The following TMEM60 variants were observed in gnomAD, a reference collection of about 807,000 sequenced individuals.
TMEM60 encodes the protein chromosome 7 open reading frame 35.
A neutral mutation model predicts 10.7 loss-of-function variants in TMEM60; 4 were observed. That is an observed-to-expected ratio of 0.37 (90% CI 0.18 to 0.86). The LOEUF is 0.86. Among genes scored for constraint, TMEM60 ranks in the 40% least tolerant of loss-of-function variants. The pLI is 0.43. For missense variants in TMEM60, 128 were observed against 153.4 expected, an observed-to-expected ratio of 0.83 and a Z score of 0.88; for synonymous variants, 56 against 58.1, an observed-to-expected ratio of 0.96 and a Z score of 0.17.
chr7:77,796,683 A>T (rs934433710), intron 1 of TMEM60, among the ~76,000 whole-genome samples: 2 of 152,226 alleles, frequency 1.3e-5, no homozygotes, highest in East Asian at 3.8e-4. Flanking sequence ...TACTTGATGG[A>T]AAGAGAAAAA....
In TMEM60 at chr7:77,794,327, G is replaced by A; in HGVS notation, c.47C>T (p.Thr16Ile). The stretch of plus-strand genomic sequence containing the variant: ...CACCAACATGATCAAGAAGAGTAGT[G>A]TGAAAAGCCAGGTGAGTAGTACTCT... ...AQRVLLTWLF[T>I]LLFLIMLVLK... The change falls in exon 2 of 2, where the codon ACA becomes ATA. Residue 16 changes from threonine to isoleucine, a missense_variant. Transcript: ENST00000257663. The A allele has an allele frequency of 6.2e-7, 1 of 1,605,652 alleles. No individual in the cohort carries two copies. The highest frequency in any genetic ancestry group is 1.1e-5 in the South Asian group (1 of 89,278).
At chr7:77,797,308 C>T (rs1792196640) in intron 1 of TMEM60, among the ~76,000 whole-genome samples, 1 of 152,196 alleles carries the variant, frequency 6.6e-6, no homozygotes, top group South Asian at 2.1e-4. Flanking sequence ...TTTGGCTGTA[C>T]TTACCACAGG....
Position 77,794,305 on chromosome 7 carries a change from C to G in TMEM60, c.69G>C (p.Leu23Phe). The G allele has an allele frequency of 6.2e-7, 1 of 1,611,210 alleles. No individual in the cohort carries two copies. The highest frequency in any genetic ancestry group is 1.7e-5 in the Admixed American group (1 of 59,590). Residue 23 changes from leucine to phenylalanine, a missense_variant, in exon 2 of 2, where the codon TTG becomes TTC. Leu to Phe is a conservative substitution (Grantham distance 22, BLOSUM62 0). Coordinates refer to ENST00000257663, the MANE Select transcript of TMEM60 (RefSeq NM_032936.4). ...GTGCTTTCTCATCCAGTTTCAACAC[C>G]AACATGATCAAGAAGAGTAGTGTGA... ...WLFTLLFLIM[L>F]VLKLDEKAPW...
At chr7:77,796,453 G>T (rs889562449) in intron 1 of TMEM60, among the ~76,000 whole-genome samples, 1 of 152,086 alleles carries the variant, frequency 6.6e-6, no homozygotes, top group Admixed American at 6.6e-5. Context: ...AAGTAGAATG[G>T]GAAATCAGAA....
intron 1 of TMEM60, 97 bp from the exon 2 acceptor site, chr7:77,794,520 T>G (rs892695023): frequency 4.9e-5 from 38 of 774,668 alleles, no homozygotes; most frequent in Non-Finnish European, 6.3e-5. Flanking sequence ...CCAACTGACT[T>G]CCTAATTTTG....
At chr7:77,795,442 C>T (rs780211761) in intron 1 of TMEM60, among the ~76,000 whole-genome samples, 1 of 151,872 alleles carries the variant, frequency 6.6e-6, no homozygotes, top group East Asian at 1.9e-4. Context: ...CACCTGAACC[C>T]GGGAAGTTGA....
Position 77,793,972 on chromosome 7 carries a change from T to G in TMEM60, c.402A>C (p.Ter134CysextTer17). 6.4e-7 allele frequency: 1 copy of G among 1,557,958 alleles called. No homozygotes were observed. Among genetic ancestry groups the G allele is most frequent in the Non-Finnish European group, 8.6e-7 (1 of 1,156,278 alleles). ...LGYNVFFVRD* is the reference protein window; with the variant it reads ...LGYNVFFVRDC ...AGAAAGGAGATGATGTACTTAGAAG[T>G]CAGTCTCTCACAAAAAAGACATTAT... The change falls in exon 2 of 2, where the codon TGA becomes TGC. Residue 134 changes from the stop codon to cysteine (C), a stop_lost. Transcript: ENST00000257663.
At chr7:77,795,352 T>G (rs1284533473) in intron 1 of TMEM60, among the ~76,000 whole-genome samples, 1 of 152,068 alleles carries the variant, frequency 6.6e-6, no homozygotes, top group African/African-American at 2.4e-5. Flanking sequence ...AAACCCCGTC[T>G]CTACTAAAAA....
rs550516952 is a variant in TMEM60, at chr7:77,793,947, A to T, written c.*25T>A. On this transcript the variant is annotated 3_prime_UTR_variant, in exon 2 of 2. Coordinates refer to ENST00000257663, the MANE Select transcript of TMEM60 (RefSeq NM_032936.4). The stretch of plus-strand genomic sequence containing the variant: ...TAATGGTAACTTGTTGAACAGCAAT[A>T]GAAAGGAGATGATGTACTTAGAAGT... 1 of 1,521,950 alleles carries T rather than the reference A, an allele frequency of 6.6e-7. No homozygotes were observed. The highest frequency in any genetic ancestry group is 1.4e-5 in the African/African-American group (1 of 71,780). 94.3% of individuals were successfully genotyped at this position (1,521,950 alleles called of 1,614,324 possible). A position where few individuals can be genotyped will look rare whatever the true frequency, so the allele number is the denominator to read the frequency against.
chr7:77,796,664 G>A (rs978459226), intron 1 of TMEM60, among the ~76,000 whole-genome samples: 1 of 152,200 alleles, frequency 6.6e-6, no homozygotes, highest in African/African-American at 2.4e-5. Context: ...CACTGAAGAT[G>A]AGAGAGGATA....
chr7:77,794,113 T>G lies in TMEM60; in HGVS notation c.261A>C (p.Lys87Asn). ...KAWYLIAMLL[K>N]LAFCLALCAK... ...CACAGAGTGCGAGGCAGAAGGCTAA[T>G]TTAAGTAACATTGCAATGAGGTACC... The change falls in exon 2 of 2, where the codon AAA becomes AAC. Residue 87 changes from lysine to asparagine, a missense_variant. By Grantham distance (94) the Lys-to-Asn change is moderately conservative (BLOSUM62 0). Coordinates refer to ENST00000257663, the MANE Select transcript of TMEM60 (RefSeq NM_032936.4). 6.2e-7 allele frequency: 1 copy of G among 1,614,120 alleles called. No homozygotes were observed. The highest frequency in any genetic ancestry group is 8.5e-7 in the Non-Finnish European group (1 of 1,180,020).
chr7:77,797,962 T>A (rs1388886934), intron 1 of TMEM60, among the ~76,000 whole-genome samples: 1 of 152,240 alleles, frequency 6.6e-6, no homozygotes, highest in Non-Finnish European at 1.5e-5. Flanking sequence ...GGGGCCTATT[T>A]GCCCCTGGAA....
chr7:77,794,835 A>C (rs1372539758), intron 1 of TMEM60, among the ~76,000 whole-genome samples: 2 of 152,218 alleles, frequency 1.3e-5, no homozygotes, highest in Admixed American at 1.3e-4. Context: ...AAAGGTGGGT[A>C]TCAAGCTGAG....
chr7:77,795,157 CTCAA>C (rs1204504770), intron 1 of TMEM60, among the ~76,000 whole-genome samples: 1 of 150,994 alleles, frequency 6.6e-6, no homozygotes, highest in Non-Finnish European at 1.5e-5. Flanking sequence ...GAGATGCTGT[CTCAA>C]TCAGTCAATC....
chr7:77,794,233 A>C lies in TMEM60; in HGVS notation c.141T>G (p.Thr47=). The change falls in exon 2 of 2, where the codon ACT becomes ACG. Residue 47 remains threonine (T), a synonymous_variant. Coordinates refer to ENST00000257663, the MANE Select transcript of TMEM60 (RefSeq NM_032936.4). The part of the protein sequence containing the change: ...LIFIPVWIFD[T]ILLVLLIVKM... The stretch of plus-strand genomic sequence containing the variant: ...TCACAATCAGCAGGACAAGAAGGAT[A>C]GTATCAAATATCCAGACTGGAATGA... 1.2e-6 allele frequency: 2 copies of C among 1,614,116 alleles called. No homozygotes were observed. Among genetic ancestry groups the C allele is most frequent in the Admixed American group, 3.3e-5 (2 of 60,010 alleles).
Position 77,793,992 on chromosome 7 carries a change from C to T in TMEM60, c.382G>A (p.Val128Ile), listed in dbSNP as rs901233546. Residue 128 changes from valine to isoleucine, a missense_variant, in exon 2 of 2, where the codon GTC becomes ATC. Val to Ile is a conservative substitution (Grantham distance 29, BLOSUM62 3). Coordinates refer to ENST00000257663, the MANE Select transcript of TMEM60 (RefSeq NM_032936.4). ...AGALTELGYN[V>I]FFVRD The stretch of plus-strand genomic sequence containing the variant: ...AGAAGTCAGTCTCTCACAAAAAAGA[C>T]ATTATATCCGAGTTCTGTTAAAGCC... The T allele has an allele frequency of 5.1e-6, 8 of 1,576,220 alleles. No homozygotes were observed. In the African/African-American group the frequency reaches 9.6e-5, roughly 19 times the overall value.
At chr7:77,797,001 A>T (rs1792183597) in intron 1 of TMEM60, among the ~76,000 whole-genome samples, 1 of 152,118 alleles carries the variant, frequency 6.6e-6, no homozygotes, top group Admixed American at 6.5e-5. Flanking sequence ...TAATTGGCAA[A>T]GGCTTCATAC....
intron 1 of TMEM60, among the ~76,000 whole-genome samples, chr7:77,796,843 T>C (rs1025832552): frequency 1.3e-5 from 2 of 152,222 alleles, no homozygotes; most frequent in African/African-American, 2.4e-5. Flanking sequence ...AACTTTGATG[T>C]ACTGTGCAAC....
intron 1 of TMEM60, among the ~76,000 whole-genome samples, chr7:77,797,993 ATACTT>A (rs1792225930): frequency 6.6e-6 from 1 of 152,202 alleles, no homozygotes; most frequent in Non-Finnish European, 1.5e-5. Context: ...CTCCTAAACT[ATACTT>A]GCCCTTCTGC....
Sources: gnomAD v4.1 joint callset for allele counts (sites outside exome capture counted in the v4.1 genomes callset) on GRCh38, gnomAD v4.1.1 for gene constraint, MANE v1.5 for transcripts, NCBI Gene and HGNC (gene_info 2026-07-23, HGNC 2026-07-21) for gene names.